Variants in EIF4ENIF1 observed in about 807,000 individuals in gnomAD.
EIF4ENIF1 encodes eukaryotic translation initiation factor 4E nuclear import factor 1.
A neutral mutation model predicts 110.5 loss-of-function variants in EIF4ENIF1; 23 were observed. That is an observed-to-expected ratio of 0.21 (90% CI 0.15 to 0.29). EIF4ENIF1 has a LOEUF of 0.29. EIF4ENIF1 is among the 10% of genes least tolerant of loss of function. EIF4ENIF1 has a pLI of 1.00. For missense variants in EIF4ENIF1, 1,031 were observed against 1,221.1 expected (o/e 0.84, Z 2.32); for synonymous variants, 440 against 437.0 (o/e 1.01, Z -0.09).
intron 10 of EIF4ENIF1, among the ~76,000 whole-genome samples, chr22:31,452,733 G>A (rs897651234): frequency 3.9e-5 from 6 of 152,158 alleles, no homozygotes; most frequent in Non-Finnish European, 4.4e-5. Context: ...TCATTTGAAA[G>A]CATTTGTATC....
chr22:31,460,135 A>T (rs10483159), intron 6 of EIF4ENIF1, among the ~76,000 whole-genome samples: 1 of 152,206 alleles, frequency 6.6e-6, no homozygotes, highest in East Asian at 1.9e-4. Context: ...TTACCTATCA[A>T]TTTCTTACAT....
intron 2 of EIF4ENIF1, among the ~76,000 whole-genome samples, chr22:31,483,610 T>C (rs1423365189): frequency 2.0e-5 from 3 of 152,078 alleles, no homozygotes; most frequent in East Asian, 1.9e-4. Context: ...CCCAAGTTTC[T>C]CCTTTAATAC....
At chr22:31,450,775 T>C (rs755435437) in intron 10 of EIF4ENIF1, 7 of 241,506 alleles carry the variant, frequency 2.9e-5, no homozygotes, top group Non-Finnish European at 5.7e-5. Flanking sequence ...TACATACATA[T>C]ATACACACAC....
chr22:31,466,277 G>A (rs1045416447), intron 4 of EIF4ENIF1, among the ~76,000 whole-genome samples: 4 of 152,212 alleles, frequency 2.6e-5, no homozygotes, highest in Admixed American at 2.6e-4. Flanking sequence ...GCCAGGCATG[G>A]TGGCGCACGC....
intron 6 of EIF4ENIF1, among the ~76,000 whole-genome samples, chr22:31,459,897 C>G (rs1464749455): frequency 6.6e-6 from 1 of 152,206 alleles, no homozygotes. Context: ...TTTCTCTCTG[C>G]ATCTGTAAAA....
upstream of EIF4ENIF1, among the ~76,000 whole-genome samples, chr22:31,492,501 C>A (rs1177840793): frequency 6.6e-6 from 1 of 152,154 alleles, no homozygotes; most frequent in Non-Finnish European, 1.5e-5. Context: ...CCACTAGGCT[C>A]CTTTAATGTC....
chr22:31,467,403 T>C (rs564547759), intron 4 of EIF4ENIF1, among the ~76,000 whole-genome samples: 14 of 152,308 alleles, frequency 9.2e-5, no homozygotes, highest in South Asian at 4.1e-4. Context: ...CTGGTCTCCA[T>C]TTCACCCTTA....
At position 31,468,127 on chromosome 22, in the gene EIF4ENIF1, C is replaced by G. The variant is rs16989655; in HGVS notation, c.298+48G>C. On this transcript the variant is annotated intron_variant, in intron 4 of 18. Coordinates refer to ENST00000330125, the MANE Select transcript of EIF4ENIF1 (RefSeq NM_019843.4). ...TAAGAATGAAACCAGCAGGCAAAAG[C>G]ATGTCCCCAAAATCACTAACCCCAC... The G allele has an allele frequency of 2.7e-3, 4,335 of 1,590,982 alleles. 120 individuals carry two copies. The African/African-American group carries it at 0.05, about 18-fold the overall frequency.
chr22:31,447,635 C>A, intron 13 of EIF4ENIF1, 70 bp from the exon 14 acceptor site: 1 of 1,505,532 alleles, frequency 6.6e-7, no homozygotes, highest in Non-Finnish European at 8.9e-7. Context: ...GGTTTCTCTT[C>A]ACTCTTAGAA....
upstream of EIF4ENIF1, among the ~76,000 whole-genome samples, chr22:31,490,684 C>T (rs2052245767): frequency 6.6e-6 from 1 of 152,074 alleles, no homozygotes. Context: ...TGACAGGGGG[C>T]CACAGAAATG....
At chr22:31,481,490 T>A (rs2051815247) in intron 2 of EIF4ENIF1, among the ~76,000 whole-genome samples, 1 of 152,168 alleles carries the variant, frequency 6.6e-6, no homozygotes, top group South Asian at 2.1e-4. Context: ...GTTTAAGAAG[T>A]TTATACCTAA....
intron 3 of EIF4ENIF1, 45 bp from the exon 4 acceptor site, chr22:31,468,347 C>T: frequency 6.2e-7 from 1 of 1,609,272 alleles, no homozygotes; most frequent in Non-Finnish European, 8.5e-7. Context: ...GCCCATGAAC[C>T]ATATAGGCAG....
chr22:31,471,354 G>A (rs1601624726), intron 3 of EIF4ENIF1, among the ~76,000 whole-genome samples: 1 of 148,260 alleles, frequency 6.7e-6, no homozygotes, highest in African/African-American at 2.5e-5. Context: ...TCGCACTGTC[G>A]CCCAGGCTGG....
intron 2 of EIF4ENIF1, among the ~76,000 whole-genome samples, chr22:31,482,155 G>A (rs1451543513): frequency 6.9e-6 from 1 of 144,106 alleles, no homozygotes; most frequent in African/African-American, 2.5e-5. Flanking sequence ...ATAACAGTGA[G>A]AGCCTGTCTC....
chr22:31,450,719 G>GACAC (rs10550760), intron 10 of EIF4ENIF1: 74 of 246,546 alleles, frequency 3.0e-4, no homozygotes, highest in African/African-American at 1.5e-3. Flanking sequence ...ATTTATTGGA[G>GACAC]ACACACACAC....
chr22:31,461,577 C>T (rs1172665359), intron 6 of EIF4ENIF1: 1 of 152,190 alleles, frequency 6.6e-6, no homozygotes, highest in East Asian at 1.9e-4. Flanking sequence ...GGAGTACAGG[C>T]ATGCGTCAAC....
In EIF4ENIF1 at chr22:31,441,784, C is replaced by A; in HGVS notation, c.2541G>T (p.Leu847Phe). 6.2e-7 allele frequency: 1 copy of A among 1,609,638 alleles called. No individual in the cohort carries two copies. The change falls in exon 17 of 19, where the codon TTG (leucine) becomes TTT (phenylalanine). Residue 847 changes from leucine to phenylalanine, a missense_variant. Physicochemically the swap from Leu to Phe is conservative, Grantham distance 22. Transcript: ENST00000330125. ...QGVHPQHLPS[L>F]LQTGVLPPGM... ...AGGCTGGAAACTCACCAGTTTGGAG[C>A]AAACTTGGAAGATGCTGTGGATGTA...
At chr22:31,489,520 G>A (rs1282587782) in intron 1 of EIF4ENIF1, 174 bp downstream of exon 1, 2 of 144,324 alleles carry the variant, frequency 1.4e-5, no homozygotes, top group Admixed American at 6.9e-5. Context: ...CCAGCCCGCC[G>A]GCTACCCGCC....
At chr22:31,470,283 T>C (rs2051329946) in intron 3 of EIF4ENIF1, among the ~76,000 whole-genome samples, 1 of 151,122 alleles carries the variant, frequency 6.6e-6, no homozygotes, top group African/African-American at 2.4e-5. Context: ...TTTGTTGTTG[T>C]TGTTTTGTTT....
Sources: gnomAD v4.1 joint callset for allele counts (sites outside exome capture counted in the v4.1 genomes callset) on GRCh38, gnomAD v4.1.1 for gene constraint, MANE v1.5 for transcripts, NCBI Gene and HGNC (gene_info 2026-07-23, HGNC 2026-07-21) for gene names.